The following SYMPK variants were observed in gnomAD, a reference collection of about 807,000 sequenced individuals.
SYMPK encodes symplekin.
Under a neutral mutation model 136.4 loss-of-function variants are expected in SYMPK, and 49 were observed. The observed-to-expected ratio is 0.36, with a 90% CI of 0.29 to 0.46. SYMPK has a LOEUF of 0.46. Ranked by LOEUF, SYMPK falls within the 20% of genes least tolerant of loss-of-function variation. The probability of loss-of-function intolerance (pLI) is 1.00; values close to 1 mark genes in which losing one functional copy is unlikely to be tolerated. For missense variants in SYMPK, 1,365 were observed against 1,690.0 expected (o/e 0.81, Z 3.37); for synonymous variants, 766 against 713.0 (o/e 1.07, Z -1.19).
rs748555367 is a variant in SYMPK, at chr19:45,822,739, G to A, written c.2791+17C>T. On this transcript the variant is annotated intron_variant, in intron 21 of 26. Coordinates refer to ENST00000245934, the MANE Select transcript of SYMPK (RefSeq NM_004819.3). The stretch of plus-strand genomic sequence containing the variant: ...GGTGGGTGGGCCTCTTGGTGGGGAT[G>A]AGGCTGCATCACCTACCATGCTGGG... 1.2e-6 allele frequency: 2 copies of A among 1,611,634 alleles called. No homozygotes were observed. Among genetic ancestry groups the A allele is most frequent in the South Asian group, 1.1e-5 (1 of 90,998 alleles).
At chr19:45,859,443 C>CA (rs1359412740) in intron 1 of SYMPK, among the ~76,000 whole-genome samples, 1 of 150,838 alleles carries the variant, frequency 6.6e-6, no homozygotes, top group Non-Finnish European at 1.5e-5. Flanking sequence ...GCTAAAAATA[C>CA]AAAAAAATTA....
At position 45,826,245 on chromosome 19, in the gene SYMPK, A is replaced by G. The variant is rs549131892; in HGVS notation, c.2310T>C (p.Phe770=). The G allele has an allele frequency of 6.4e-5, 104 of 1,612,990 alleles. No individual in the cohort carries two copies. The South Asian group carries it at 1.1e-3, about 17-fold the overall frequency. ...CCCAACCTGTGTCCTTGTCAGCTCC[A>G]AACAGCACAGACGGTGGGTTGGGGT... The part of the protein sequence containing the change: ...LVHPNPPSVL[F]GADKDTEVAA... Residue 770 remains phenylalanine (F), a synonymous_variant, in exon 17 of 27, where the codon TTT becomes TTC. Coordinates refer to ENST00000245934, the MANE Select transcript of SYMPK (RefSeq NM_004819.3).
At chr19:45,839,133 C>T (rs770069606) in intron 9 of SYMPK, among the ~76,000 whole-genome samples, 5 of 152,170 alleles carry the variant, frequency 3.3e-5, no homozygotes, top group Non-Finnish European at 7.4e-5. Flanking sequence ...AGGTGATCCA[C>T]CTGTCTCAGC....
At position 45,825,282 on chromosome 19, in the gene SYMPK, G is replaced by C. The variant is rs1038784042; in HGVS notation, c.2379C>G (p.Leu793=). 3 of 1,614,194 alleles carry C rather than the reference G, an allele frequency of 1.9e-6. No homozygotes were observed. In the East Asian group the frequency reaches 6.7e-5, roughly 36 times the overall value. Residue 793 remains leucine (L), a synonymous_variant, in exon 18 of 27, where the codon CTC becomes CTG. Transcript: ENST00000245934. ...TEETVKQCLY[L]YLALLPQNHK... ...GGTTCTGAGGCAGGAGGGCCAGGTA[G>C]AGGTACAGACACTGCTTCACTGTCT...
At chr19:45,861,008 G>T (rs535393593) in intron 1 of SYMPK, among the ~76,000 whole-genome samples, 6 of 152,278 alleles carry the variant, frequency 3.9e-5, no homozygotes, top group African/African-American at 1.4e-4. Context: ...TATCTGAAAG[G>T]AATTGTTTTT....
chr19:45,821,417 A>G lies in SYMPK; in HGVS notation c.2860T>C (p.Ser954Pro). 1 of 1,613,924 alleles carries G rather than the reference A, an allele frequency of 6.2e-7. No individual in the cohort carries two copies. Among genetic ancestry groups the G allele is most frequent in the South Asian group, 1.1e-5 (1 of 91,058 alleles). The change falls in exon 22 of 27, where the codon TCC (serine) becomes CCC (proline). Residue 954 changes from serine to proline, a missense_variant. By Grantham distance (74) the Ser-to-Pro change is moderately conservative. Around this residue, in one of 11 missense-constraint regions of SYMPK, gnomAD observed 156 missense variants for 217.8 expected, o/e 0.72. Coordinates refer to ENST00000245934, the MANE Select transcript of SYMPK (RefSeq NM_004819.3). The surrounding 1 kb of genome is among the most constrained non-coding windows in gnomAD (Gnocchi z 4.4). Reference protein sequence around the residue: ...ELLIALHNIDSVKCDMKSIIK... With the variant: ...ELLIALHNIDPVKCDMKSIIK... ...ATGGATTTCATGTCGCACTTCACGGAGTCAATGTTGTGTAATGCGATCAGG... is the reference window on the plus strand; with the variant it reads ...ATGGATTTCATGTCGCACTTCACGGGGTCAATGTTGTGTAATGCGATCAGG...
chr19:45,856,399 C>T (rs1312719214), intron 1 of SYMPK, among the ~76,000 whole-genome samples: 1 of 152,024 alleles, frequency 6.6e-6, no homozygotes, highest in African/African-American at 2.4e-5. Flanking sequence ...CAGCCTGTTG[C>T]ATCAGAGGAC....
chr19:45,838,885 GATT>G (rs1971370052), intron 9 of SYMPK, among the ~76,000 whole-genome samples: 1 of 152,138 alleles, frequency 6.6e-6, no homozygotes, highest in Middle Eastern at 3.2e-3. Context: ...TCTAAGAAGA[GATT>G]ATTATTATTA....
Position 45,854,371 on chromosome 19 carries a change from G to A in SYMPK, c.105+20C>T. The A allele has an allele frequency of 6.2e-7, 1 of 1,611,998 alleles. No homozygotes were observed. Among genetic ancestry groups the A allele is most frequent in the Non-Finnish European group, 8.5e-7 (1 of 1,178,278 alleles). On this transcript the variant is annotated intron_variant, in intron 2 of 26. Coordinates refer to ENST00000245934, the MANE Select transcript of SYMPK (RefSeq NM_004819.3). ...CAGGGGCTATGCTTCCTCACTCCAA[G>A]CCCTACCCGCCACGCTCACCCTCTC...
intron 19 of SYMPK, 42 bp from the exon 20 acceptor site, chr19:45,823,514 G>A: frequency 1.9e-6 from 3 of 1,590,070 alleles, no homozygotes; most frequent in Non-Finnish European, 2.6e-6. Context: ...GAGGCGGAGG[G>A]GAGCGTGGGA....
At chr19:45,825,418 G>C (rs1450470561) in intron 17 of SYMPK, 87 bp from the exon 18 acceptor site, 2 of 1,482,414 alleles carry the variant, frequency 1.3e-6, no homozygotes, top group East Asian at 4.9e-5. Flanking sequence ...TTGGGCAGTG[G>C]AGCCGGGGAG....
intron 1 of SYMPK, 145 bp downstream of exon 1, chr19:45,862,913 G>GA: frequency 2.5e-6 from 1 of 399,256 alleles, no homozygotes; most frequent in Non-Finnish European, 4.4e-6. Flanking sequence ...GGGAGCCAAG[G>GA]AAGGGTCCTG....
intron 5 of SYMPK, among the ~76,000 whole-genome samples, chr19:45,849,209 G>A (rs145130272): frequency 5.8e-4 from 89 of 152,186 alleles, no homozygotes; most frequent in Non-Finnish European, 1.1e-3. Flanking sequence ...CAATTTTTTG[G>A]GAAAATTGCA....
Position 45,816,549 on chromosome 19 carries a change from G to C in SYMPK, c.3287C>G (p.Thr1096Ser). Residue 1096 changes from threonine to serine, a missense_variant, in exon 25 of 27, where the codon ACC becomes AGC. By Grantham distance (58) the Thr-to-Ser change is moderately conservative. Coordinates refer to ENST00000245934, the MANE Select transcript of SYMPK (RefSeq NM_004819.3). ...QQAHIPNSIM[T>S]ILEASGKQEP... ...CTGCTTGCCGCTGGCCTCCAAGATG[G>C]TCATGATGGAGTTAGGGATGTGAGC... 6.2e-7 allele frequency: 1 copy of C among 1,613,778 alleles called. No homozygotes were observed. The highest frequency in any genetic ancestry group is 8.5e-7 in the Non-Finnish European group (1 of 1,179,986).
rs1265965943 is a variant in SYMPK, at chr19:45,815,587, C to T, written c.3798G>A (p.Arg1266=). ...KTPSPAAEDA[R]EPEAKGNS is the part of the protein sequence containing the mutation. ...AGCTGTTCCCCTTGGCCTCGGGTTC[C>T]CTGGCGTCCTCGGCAGCCGGGCTGG... Residue 1266 remains arginine (R), a synonymous_variant, in exon 27 of 27, where the codon AGG becomes AGA. Transcript: ENST00000245934. The T allele has an allele frequency of 6.2e-7, 1 of 1,602,182 alleles. No homozygotes were observed. The highest frequency in any genetic ancestry group is 8.5e-7 in the Non-Finnish European group (1 of 1,175,566).
At chr19:45,818,190 C>T (rs1364952601) in intron 22 of SYMPK, 44 bp from the exon 23 acceptor site, 5 of 1,484,284 alleles carry the variant, frequency 3.4e-6, no homozygotes, top group Non-Finnish European at 4.5e-6. Context: ...TGCCCAGCTG[C>T]CCCCTGGGAG....
intron 1 of SYMPK, among the ~76,000 whole-genome samples, chr19:45,861,463 G>A (rs1234942075): frequency 2.6e-5 from 4 of 152,148 alleles, no homozygotes; most frequent in Admixed American, 6.5e-5. Context: ...ACACAGGGCC[G>A]GGAGCGGTGA....
chr19:45,823,960 C>A, intron 18 of SYMPK, 85 bp from the exon 19 acceptor site: 1 of 997,494 alleles, frequency 1.0e-6, no homozygotes. Flanking sequence ...GCTTGCGGGG[C>A]ATGCTGGCGC....
rs1448416154 is a variant in SYMPK, at chr19:45,830,033, TG to T, written c.1749+20del. On this transcript the variant is annotated intron_variant, in intron 13 of 26. Transcript: ENST00000245934. ...GGGTAGAGGGACTGGAAGGATGGGG[TG>T]GGGGGTGGCAGGCGCACACCTGGGC... 5.2e-5 allele frequency: 80 copies of T among 1,532,118 alleles called. No homozygotes were observed. In the East Asian group the frequency reaches 2.0e-3, roughly 37 times the overall value. 94.9% of individuals were successfully genotyped at this position (1,532,118 alleles called of 1,614,324 possible).
Sources: gnomAD v4.1 joint callset for allele counts (sites outside exome capture counted in the v4.1 genomes callset) on GRCh38, gnomAD v4.1.1 for gene constraint, gnomAD v4.1.1 regional missense constraint, Gnocchi (gnomAD v3.1) non-coding constraint, MANE v1.5 for transcripts, NCBI Gene and HGNC (gene_info 2026-07-23, HGNC 2026-07-21) for gene names.